The following RBFOX1 variants were observed in gnomAD, a reference collection of about 807,000 sequenced individuals.
The protein encoded by RBFOX1 is RNA binding fox-1 homolog 1.
In RBFOX1, 8 loss-of-function variants were observed where a neutral mutation model predicts 57.7. The ratio of observed to expected loss-of-function variants is 0.14; its 90% CI spans 0.08 to 0.25. The LOEUF (loss-of-function observed/expected upper bound fraction) is 0.25, where lower values mean the gene tolerates loss of function less well. Among genes scored for constraint, RBFOX1 ranks in the 10% least tolerant of loss-of-function variants. The pLI, the probability that RBFOX1 is intolerant of heterozygous loss-of-function variation, is 1.00. For missense variants in RBFOX1, 611 were observed against 548.5 expected (o/e 1.11, Z -1.14); for synonymous variants, 326 against 222.4 (o/e 1.47, Z -4.15).
rs534479337 is a variant in RBFOX1, at chr16:6,059,457, T to C, written c.-127+39465T>C. On this transcript the variant is annotated intron_variant, in intron 1 of 15. Coordinates refer to ENST00000550418, the MANE Select transcript of RBFOX1 (RefSeq NM_018723.4). The stretch of plus-strand genomic sequence containing the variant: ...AATAATTTATACTAAAGAAAATACA[T>C]ATAACATGTATCTCATATTTTGTTT... Among the ~76,000 whole-genome samples, 3 of 152,286 alleles carry C rather than the reference T, an allele frequency of 2.0e-5. No homozygotes were observed. In the East Asian group the frequency reaches 5.8e-4, roughly 29 times the overall value.
intron 1 of RBFOX1, among the ~76,000 whole-genome samples, chr16:6,178,421 G>A (rs1372265770): frequency 1.3e-5 from 2 of 151,904 alleles, no homozygotes; most frequent in Non-Finnish European, 2.9e-5. Flanking sequence ...CTGACCTCGT[G>A]ATCTGCCCAC....
chr16:5,301,780 G>T (rs2063814158), intron 1 of RBFOX1, among the ~76,000 whole-genome samples: 2 of 152,124 alleles, frequency 1.3e-5, no homozygotes, highest in South Asian at 4.1e-4. Context: ...ATGAAACCCT[G>T]TAGAAACTAT....
At chr16:5,445,522 C>G (rs928422649) in intron 1 of RBFOX1, among the ~76,000 whole-genome samples, 4 of 152,210 alleles carry the variant, frequency 2.6e-5, no homozygotes, top group Admixed American at 6.5e-5. Context: ...AGTTACAAGT[C>G]AATGCACTCC....
intron 2 of RBFOX1, among the ~76,000 whole-genome samples, chr16:5,513,073 G>T (rs1460314987): frequency 6.6e-6 from 1 of 152,090 alleles, no homozygotes; most frequent in African/African-American, 2.4e-5. Flanking sequence ...GCACTACCAT[G>T]CATAGGTTAT....
At chr16:7,218,884 C>T (rs187235307) in intron 4 of RBFOX1, among the ~76,000 whole-genome samples, 15 of 152,184 alleles carry the variant, frequency 9.9e-5, no homozygotes, top group Admixed American at 7.2e-4. Context: ...CTCGATGCAT[C>T]GCATGCAGTT....
intron 4 of RBFOX1, among the ~76,000 whole-genome samples, chr16:7,068,482 C>T (rs946871407): frequency 2.0e-5 from 3 of 152,142 alleles, no homozygotes; most frequent in African/African-American, 4.8e-5. Flanking sequence ...TTTTGCAGTC[C>T]CTACTGGCAT....
At chr16:6,857,772 G>C (rs145706935) in intron 3 of RBFOX1, among the ~76,000 whole-genome samples, 53 of 152,238 alleles carry the variant, frequency 3.5e-4, no homozygotes, top group African/African-American at 1.2e-3. Flanking sequence ...ATTTTGTTCT[G>C]TCAGCACTTT....
chr16:7,585,142 T>C (rs1240177971), intron 6 of RBFOX1, among the ~76,000 whole-genome samples: 1 of 152,220 alleles, frequency 6.6e-6, no homozygotes, highest in Non-Finnish European at 1.5e-5. Context: ...ATAAATATGA[T>C]AGCGTCTGTG....
chr16:6,976,753 C>T (rs2086975413), intron 3 of RBFOX1, among the ~76,000 whole-genome samples: 1 of 138,106 alleles, frequency 7.2e-6, no homozygotes, highest in South Asian at 2.2e-4. Context: ...TATATCATGT[C>T]ATACATATAT....
At chr16:6,509,339 A>G (rs1374690609) in intron 2 of RBFOX1, among the ~76,000 whole-genome samples, 1 of 152,212 alleles carries the variant, frequency 6.6e-6, no homozygotes, top group Non-Finnish European at 1.5e-5. Flanking sequence ...TACACAGTGG[A>G]CTACTATTCA....
chr16:7,641,463 G>A (rs185362709), intron 11 of RBFOX1, among the ~76,000 whole-genome samples: 2 of 152,308 alleles, frequency 1.3e-5, no homozygotes, highest in East Asian at 3.9e-4. Flanking sequence ...AGAAAATGCA[G>A]TTTCAGAACC....
intron 1 of RBFOX1, among the ~76,000 whole-genome samples, chr16:6,206,906 C>T (rs1431337643): frequency 2.0e-5 from 3 of 151,898 alleles, no homozygotes; most frequent in African/African-American, 7.3e-5. Flanking sequence ...AGGACAACAT[C>T]AGCTTTTTCA....
At chr16:7,303,685 A>G (rs942840720) in intron 4 of RBFOX1, among the ~76,000 whole-genome samples, 2 of 151,990 alleles carry the variant, frequency 1.3e-5, no homozygotes, top group African/African-American at 4.8e-5. Flanking sequence ...ATCAGAACCA[A>G]CGGAGTGAGC....
chr16:6,454,097 A>C (rs1006874877), intron 2 of RBFOX1, among the ~76,000 whole-genome samples: 1 of 152,140 alleles, frequency 6.6e-6, no homozygotes, highest in Non-Finnish European at 1.5e-5. Flanking sequence ...TTGCAAAGGC[A>C]GCAGTCATGT....
intron 3 of RBFOX1, among the ~76,000 whole-genome samples, chr16:6,974,336 CTTTTTTTTTTTTTT>C (rs59299498): frequency 1.0e-4 from 6 of 58,664 alleles, no homozygotes; most frequent in Admixed American, 5.5e-4. Flanking sequence ...TTTTCTTTTT[CTTTTTTTTTTTTTT>C]TTTTTTTTTT....
intron 3 of RBFOX1, among the ~76,000 whole-genome samples, chr16:5,820,488 C>G (rs144612150): frequency 6.6e-6 from 1 of 152,130 alleles, no homozygotes; most frequent in Non-Finnish European, 1.5e-5. Flanking sequence ...TGCAGCTGCC[C>G]GCACGTTTCT....
chr16:6,172,228 C>G (rs1260789366), intron 1 of RBFOX1, among the ~76,000 whole-genome samples: 2 of 152,096 alleles, frequency 1.3e-5, no homozygotes, highest in African/African-American at 2.4e-5. Flanking sequence ...AGCCTGTGAG[C>G]TAAGATGTCA....
At chr16:7,383,326 C>T (rs1021576909) in intron 4 of RBFOX1, among the ~76,000 whole-genome samples, 2 of 150,822 alleles carry the variant, frequency 1.3e-5, no homozygotes, top group Non-Finnish European at 2.9e-5. Flanking sequence ...AATATAACTT[C>T]TCTGCTTGGA....
At chr16:6,587,834 C>T (rs1039966380) in intron 2 of RBFOX1, among the ~76,000 whole-genome samples, 1 of 152,202 alleles carries the variant, frequency 6.6e-6, no homozygotes. Context: ...CATTTACTTT[C>T]TCTTTCTACC....
Sources: gnomAD v4.1 joint callset for allele counts (sites outside exome capture counted in the v4.1 genomes callset) on GRCh38, gnomAD v4.1.1 for gene constraint, MANE v1.5 for transcripts, NCBI Gene and HGNC (gene_info 2026-07-23, HGNC 2026-07-21) for gene names.